The following PCSK5 variants were observed in gnomAD, a reference collection of about 807,000 sequenced individuals.
PCSK5 encodes prohormone convertase 5.
Under a neutral mutation model 233.2 loss-of-function variants are expected in PCSK5, and 129 were observed. That is an observed-to-expected ratio of 0.55 (90% CI 0.48 to 0.64). The LOEUF (loss-of-function observed/expected upper bound fraction) is 0.64, where lower values mean the gene tolerates loss of function less well. PCSK5 is among the 30% of genes least tolerant of loss of function. PCSK5 has a pLI of 0.00. For synonymous variants in PCSK5, 825 were observed against 879.2 expected (o/e 0.94, Z 1.09); for missense variants, 2,076 against 2,430.1 (o/e 0.85, Z 3.06).
At chr9:76,041,634 G>T in intron 5 of PCSK5, among the ~76,000 whole-genome samples, 1 of 152,110 alleles carries the variant, frequency 6.6e-6, no homozygotes, top group East Asian at 1.9e-4. Flanking sequence ...GAGGTCAAGA[G>T]ATCAAGACAA....
Position 76,362,223 on chromosome 9 carries a change from G to T in PCSK5, c.*3301G>T, listed in dbSNP as rs1440089328. 6.6e-6 allele frequency: 1 copy of T among 152,172 alleles called. No individual in the cohort carries two copies. Among genetic ancestry groups the T allele is most frequent in the Admixed American group, 6.5e-5 (1 of 15,268 alleles). The allele number at this position is 152,172 out of a possible 1,614,324, so 9.4% of individuals were successfully genotyped here. A position where few individuals can be genotyped will look rare whatever the true frequency, so the allele number is the denominator to read the frequency against. On this transcript the variant is annotated 3_prime_UTR_variant, in exon 38 of 38. Transcript: ENST00000674117. ...AAGTCACCTTTTAGTTTTCTACTTG[G>T]AAATATTAAGAGAATCCTTGTAGAC...
intron 20 of PCSK5, chr9:76,193,474 CTT>C: frequency 1.4e-6 from 1 of 718,126 alleles, no homozygotes; most frequent in South Asian, 2.4e-5. Context: ...TTCTTGCTCT[CTT>C]TTTCTTTCTC....
chr9:76,077,392 A>C (rs180826961), intron 7 of PCSK5, among the ~76,000 whole-genome samples: 78 of 152,336 alleles, frequency 5.1e-4, no homozygotes, highest in Non-Finnish European at 7.3e-4. Flanking sequence ...TAAAAGAACA[A>C]GAGGAGACTC....
intron 9 of PCSK5, among the ~76,000 whole-genome samples, chr9:76,123,108 T>C (rs1445689341): frequency 6.6e-6 from 1 of 152,146 alleles, no homozygotes; most frequent in East Asian, 1.9e-4. Context: ...CCTCTCAAAG[T>C]GCTGGGATTA....
Position 76,329,347 on chromosome 9 carries a change from C to G in PCSK5, c.4570+1108C>G, listed in dbSNP as rs1233425704. Among the ~76,000 whole-genome samples the G allele has an allele frequency of 3.3e-5, 5 of 150,010 alleles. No homozygotes were observed. The South Asian group carries it at 6.4e-4, about 19-fold the overall frequency. ...AGCCATTTTTTTTTCTTTTTAGAGA[C>G]AAGGGTCTCACTGTGTTCCCCAGGC... On this transcript the variant is annotated intron_variant, in intron 33 of 37. Transcript: ENST00000674117.
intron 32 of PCSK5, among the ~76,000 whole-genome samples, chr9:76,327,332 C>T (rs1202496016): frequency 1.3e-5 from 2 of 152,070 alleles, no homozygotes; most frequent in Non-Finnish European, 2.9e-5. Context: ...GTCTCGAACT[C>T]CTGGGCTCAA....
At chr9:76,122,484 G>A (rs189705172) in intron 9 of PCSK5, among the ~76,000 whole-genome samples, 1 of 152,202 alleles carries the variant, frequency 6.6e-6, no homozygotes, top group Non-Finnish European at 1.5e-5. Flanking sequence ...AACAAACTTT[G>A]TCGCTATTGA....
At chr9:76,083,204 C>CAAAAAAAAAAAAA (rs11324176) in intron 7 of PCSK5, among the ~76,000 whole-genome samples, 1 of 75,462 alleles carries the variant, frequency 1.3e-5, no homozygotes, top group Non-Finnish European at 2.5e-5. Flanking sequence ...AGCGAGATCT[C>CAAAAAAAAAAAAA]AAAAAAAAAA....
intron 2 of PCSK5, among the ~76,000 whole-genome samples, chr9:75,940,408 A>G (rs1205466508): frequency 6.6e-6 from 1 of 152,228 alleles, no homozygotes; most frequent in Non-Finnish European, 1.5e-5. Context: ...TCCATAAGCC[A>G]TTTCCTCTGA....
At chr9:76,004,335 G>A (rs1277852454) in intron 3 of PCSK5, among the ~76,000 whole-genome samples, 3 of 151,724 alleles carry the variant, frequency 2.0e-5, no homozygotes, top group Non-Finnish European at 4.4e-5. Flanking sequence ...TCCTTTTCAC[G>A]GCTTCCTGTC....
At chr9:76,295,495 T>C (rs1828411828) in intron 26 of PCSK5, 84 bp downstream of exon 26, 6 of 1,293,902 alleles carry the variant, frequency 4.6e-6, no homozygotes, top group Admixed American at 4.1e-5. Context: ...GCACATGTGA[T>C]TGGTTTCAGA....
chr9:76,021,878 T>G (rs547139365), intron 3 of PCSK5, among the ~76,000 whole-genome samples: 1 of 152,326 alleles, frequency 6.6e-6, no homozygotes, highest in East Asian at 1.9e-4. Context: ...CTTCTAACTT[T>G]CTGCCTTCTG....
chr9:76,107,601 T>C (rs1832031813), intron 9 of PCSK5, among the ~76,000 whole-genome samples: 1 of 152,238 alleles, frequency 6.6e-6, no homozygotes, highest in Non-Finnish European at 1.5e-5. Flanking sequence ...TCATAGCACA[T>C]GCATGCCAGT....
chr9:75,999,539 A>G (rs951345731), intron 3 of PCSK5, among the ~76,000 whole-genome samples: 2 of 152,260 alleles, frequency 1.3e-5, no homozygotes, highest in Admixed American at 6.5e-5. Context: ...AGGTTGGGCT[A>G]GTTAATTGCA....
intron 9 of PCSK5, among the ~76,000 whole-genome samples, chr9:76,111,893 A>G (rs943190842): frequency 3.3e-5 from 5 of 152,188 alleles, no homozygotes; most frequent in Admixed American, 1.3e-4. Context: ...GAAAAAAATA[A>G]AAGAGCTTGC....
chr9:76,302,896 T>A (rs1828656107), intron 28 of PCSK5, among the ~76,000 whole-genome samples: 1 of 151,818 alleles, frequency 6.6e-6, no homozygotes, highest in Non-Finnish European at 1.5e-5. Context: ...CCCCTTGCTT[T>A]ATATAGTTTA....
At chr9:75,936,606 A>C (rs1824066849) in intron 2 of PCSK5, among the ~76,000 whole-genome samples, 1 of 152,212 alleles carries the variant, frequency 6.6e-6, no homozygotes, top group South Asian at 2.1e-4. Context: ...TCACATCTTC[A>C]GGCTCCACTT....
rs775897000 is a variant in PCSK5 at position 76,189,742 on chromosome 9, G to A, written c.2622G>A (p.Lys874=). The A allele has an allele frequency of 4.6e-6, 7 of 1,517,338 alleles. No individual in the cohort carries two copies. The highest frequency in any genetic ancestry group is 4.5e-5 in the South Asian group (4 of 89,108). The allele number at this position is 1,517,338 out of a possible 1,614,324, so 94.0% of individuals were successfully genotyped here. The change falls in exon 20 of 38, where the codon AAG becomes AAA. Residue 874 remains lysine (K), a synonymous_variant. Transcript: ENST00000674117. ...TGTGTCAAATGGGAGCCATTTGCAA[G>A]GATGGTGAGTACAACTGCCCATATC... ...LGMCQMGAIC[K]DGEYVDEHGH...
chr9:76,362,438 AT>A lies in PCSK5; in HGVS notation c.*3522del, dbSNP rs982955866. 10 of 152,142 alleles carry A rather than the reference AT, an allele frequency of 6.6e-5. No individual in the cohort carries two copies. The highest frequency in any genetic ancestry group is 1.3e-4 in the Non-Finnish European group (9 of 68,030). 9.4% of individuals were successfully genotyped at this position (152,142 alleles called of 1,614,324 possible). A position where few individuals can be genotyped will look rare whatever the true frequency, so the allele number is the denominator to read the frequency against. On this transcript the variant is annotated 3_prime_UTR_variant, in exon 38 of 38. Transcript: ENST00000674117. ...GTAAGAGATACACAACAAGAGTGCTATTTTTTCTTCTTTTTATCTTCCTACA... is the reference window on the plus strand; with the variant it reads ...GTAAGAGATACACAACAAGAGTGCTATTTTTCTTCTTTTTATCTTCCTACA...
Sources: allele counts gnomAD v4.1 joint callset (sites outside exome capture counted in the v4.1 genomes callset), GRCh38; gene constraint gnomAD v4.1.1; transcripts MANE v1.5; gene names NCBI Gene and HGNC (gene_info 2026-07-23, HGNC 2026-07-21).